Variants in DCAF8L2 observed in about 807,000 individuals in gnomAD.
DCAF8L2 encodes DDB1 and CUL4 associated factor 8 like 2, also known as DDB1- and CUL4-associated factor 8-like protein 2.
For missense variants in DCAF8L2, 430 were observed against 490.7 expected, an observed-to-expected ratio of 0.88 and a Z score of 1.17; for synonymous variants, 200 against 190.9, an observed-to-expected ratio of 1.05 and a Z score of -0.39.
At chrX:27,494,690 A>T in the DCAF8L2 span, among the ~76,000 whole-genome samples, 1 of 111,924 alleles carries the variant, frequency 8.9e-6, no homozygotes, top group Non-Finnish European at 1.9e-5. Context: ...TTTCTTAAAA[A>T]TATATGCTAT....
At chrX:27,697,280 TATTTTATAGTATTTTTCA>T (rs1307606076) in intron 3 of DCAF8L2, among the ~76,000 whole-genome samples, 2 of 111,673 alleles carry the variant, frequency 1.8e-5, no homozygotes, top group African/African-American at 3.3e-5. Flanking sequence ...TCAATATTTC[TATTTTATAGTATTTTTCA>T]ATATTCATAT....
chrX:27,598,793 A>C (rs1229790035), intron 1 of DCAF8L2, among the ~76,000 whole-genome samples: 1 of 109,907 alleles, frequency 9.1e-6, no homozygotes, highest in Non-Finnish European at 1.9e-5. Context: ...TTTATCCTGC[A>C]ACAACATAAC....
chrX:27,515,500 G>C, the DCAF8L2 span, among the ~76,000 whole-genome samples: 1 of 111,544 alleles, frequency 9.0e-6, no homozygotes, highest in Non-Finnish European at 1.9e-5. Flanking sequence ...AGCTGAGATC[G>C]TGCCATTGAA....
the DCAF8L2 span, among the ~76,000 whole-genome samples, chrX:27,511,246 T>C: frequency 9.0e-6 from 1 of 111,211 alleles, no homozygotes; most frequent in African/African-American, 3.3e-5. Flanking sequence ...GAGGGAAAGC[T>C]AGGCAATTTA....
chrX:27,718,338 G>A (rs1931772633), intron 4 of DCAF8L2, among the ~76,000 whole-genome samples: 1 of 111,696 alleles, frequency 9.0e-6, no homozygotes, highest in African/African-American at 3.2e-5. Context: ...TCATGTTTTT[G>A]TGTATATCAA....
At chrX:27,569,898 T>A in the DCAF8L2 span, among the ~76,000 whole-genome samples, 1 of 111,855 alleles carries the variant, frequency 8.9e-6, no homozygotes, top group Non-Finnish European at 1.9e-5. Flanking sequence ...AAGTTAATAA[T>A]ATCCTTCTCC....
chrX:27,553,461 C>G, the DCAF8L2 span, among the ~76,000 whole-genome samples: 1 of 109,650 alleles, frequency 9.1e-6, no homozygotes, highest in Non-Finnish European at 1.9e-5. Flanking sequence ...TTTATAATTG[C>G]TATATCCCCT....
At chrX:27,731,174 A>C (rs1435191715) in intron 4 of DCAF8L2, among the ~76,000 whole-genome samples, 1 of 110,125 alleles carries the variant, frequency 9.1e-6, no homozygotes, top group African/African-American at 3.3e-5. Flanking sequence ...CTTGAGGTCA[A>C]GACTCCTGAG....
the DCAF8L2 span, among the ~76,000 whole-genome samples, chrX:27,548,699 A>C: frequency 0.027 from 2,997 of 112,044 alleles, 42 homozygotes; most frequent in Middle Eastern, 0.05. Context: ...TTGATTGGCT[A>C]TTATTGATTA....
rs190377911 is a variant in DCAF8L2, at chrX:27,714,285, G to A, written c.-142-1803G>A. 2.4e-3 allele frequency among the ~76,000 whole-genome samples: 262 copies of A among 111,268 alleles called. 1 individual carries two copies. The highest frequency in any genetic ancestry group is 8.0e-3 in the African/African-American group (245 of 30,689). Reference sequence around the variant, plus strand: ...TTCTCATTCATTAAACACCTAAAACGATAGAGCAGTCTAAGAAATCAAGGG... The same window carrying A: ...TTCTCATTCATTAAACACCTAAAACAATAGAGCAGTCTAAGAAATCAAGGG... On this transcript the variant is annotated intron_variant, in intron 3 of 4. Coordinates refer to ENST00000451261, the MANE Select transcript of DCAF8L2 (RefSeq NM_001353450.2).
At chrX:27,553,858 G>C in the DCAF8L2 span, among the ~76,000 whole-genome samples, 1 of 111,592 alleles carries the variant, frequency 9.0e-6, no homozygotes, top group Non-Finnish European at 1.9e-5. Flanking sequence ...TTTTTGCTTT[G>C]TGGTTACTAT....
At chrX:27,531,099 G>A in the DCAF8L2 span, among the ~76,000 whole-genome samples, 1 of 111,943 alleles carries the variant, frequency 8.9e-6, no homozygotes, top group Non-Finnish European at 1.9e-5. Flanking sequence ...GAATGAGCAT[G>A]TATTAGTCTG....
chrX:27,605,868 C>T (rs1437541523), intron 1 of DCAF8L2, among the ~76,000 whole-genome samples: 1 of 111,249 alleles, frequency 9.0e-6, no homozygotes, highest in Non-Finnish European at 1.9e-5. Context: ...GGGAATGAGA[C>T]TTTTCTATCT....
At chrX:27,533,232 A>AAGAG in the DCAF8L2 span, among the ~76,000 whole-genome samples, 2 of 36,966 alleles carry the variant, frequency 5.4e-5, no homozygotes, top group African/African-American at 7.1e-5. Flanking sequence ...GAAAGAAAGA[A>AAGAG]AGAGAAAGAA....
At chrX:27,514,144 ATATG>A in the DCAF8L2 span, among the ~76,000 whole-genome samples, 1 of 110,821 alleles carries the variant, frequency 9.0e-6, no homozygotes, top group African/African-American at 3.3e-5. Flanking sequence ...ACACATATGT[ATATG>A]TATGTGTGTG....
chrX:27,647,413 G>C (rs948371031), intron 2 of DCAF8L2, among the ~76,000 whole-genome samples: 1 of 110,939 alleles, frequency 9.0e-6, no homozygotes, highest in African/African-American at 3.3e-5. Flanking sequence ...TGTCGGGGAA[G>C]AGTGGAGGTG....
At chrX:27,542,952 G>A in the DCAF8L2 span, among the ~76,000 whole-genome samples, 1 of 111,779 alleles carries the variant, frequency 8.9e-6, no homozygotes, top group Non-Finnish European at 1.9e-5. Flanking sequence ...CTACTCTGCT[G>A]ATAGTTTCTT....
intron 4 of DCAF8L2, among the ~76,000 whole-genome samples, chrX:27,746,053 T>C (rs966223887): frequency 4.5e-5 from 5 of 111,967 alleles, no homozygotes; most frequent in Non-Finnish European, 7.5e-5. Context: ...AATTACTCAT[T>C]TCAGTGTCCA....
intron 1 of DCAF8L2, among the ~76,000 whole-genome samples, chrX:27,613,484 C>A (rs766845747): frequency 1.8e-5 from 2 of 111,278 alleles, no homozygotes; most frequent in African/African-American, 6.5e-5. Flanking sequence ...ACTTCCAACA[C>A]TATGTTGAAT....
Sources: gnomAD v4.1 joint callset for allele counts (sites outside exome capture counted in the v4.1 genomes callset) on GRCh38, gnomAD v4.1.1 for gene constraint, MANE v1.5 for transcripts, NCBI Gene and HGNC (gene_info 2026-07-23, HGNC 2026-07-21) for gene names.